The following FRMD7 variants were observed in gnomAD, a reference collection of about 807,000 sequenced individuals.
FRMD7 encodes FERM domain containing 7.
Under a neutral mutation model 44.1 loss-of-function variants are expected in FRMD7, and 14 were observed. The ratio of observed to expected loss-of-function variants is 0.32; its 90% CI spans 0.21 to 0.50. The LOEUF (loss-of-function observed/expected upper bound fraction) is 0.50. Ranked by LOEUF, FRMD7 falls within the 20% of genes least tolerant of loss-of-function variation. FRMD7 has a pLI of 0.99. For missense variants in FRMD7, 501 were observed against 522.3 expected, an observed-to-expected ratio of 0.96 and a Z score of 0.40; for synonymous variants, 212 against 187.4, an observed-to-expected ratio of 1.13 and a Z score of -1.07.
At chrX:132,122,430 T>A (rs1399413443) in intron 1 of FRMD7, among the ~76,000 whole-genome samples, 2 of 112,102 alleles carry the variant, frequency 1.8e-5, no homozygotes, top group Non-Finnish European at 3.8e-5. Context: ...CATTATCCCT[T>A]CTAAACTTGC....
At position 132,100,594 on chromosome X, in the gene FRMD7, A is replaced by G. The variant is rs1284379781; in HGVS notation, c.162+18T>C. The G allele has an allele frequency of 1.1e-5, 12 of 1,087,486 alleles. No individual in the cohort carries two copies. Among genetic ancestry groups the G allele is most frequent in the Admixed American group, 2.2e-5 (1 of 45,982 alleles). The allele number at this position is 1,087,486 out of a possible 1,213,427, so 89.6% of individuals were successfully genotyped here. ...AGCAATGCTAGACACAAAGAACCCT[A>G]TAATGAAACCAACTTACATTATTTC... On this transcript the variant is annotated intron_variant, in intron 2 of 11. Coordinates refer to ENST00000298542, the MANE Select transcript of FRMD7 (RefSeq NM_194277.3).
intron 3 of FRMD7, among the ~76,000 whole-genome samples, chrX:132,099,119 T>G (rs1481621232): frequency 3.6e-5 from 4 of 111,704 alleles, no homozygotes; most frequent in African/African-American, 1.3e-4. Context: ...AGGATATAAC[T>G]AAAGAATCTT....
chrX:132,098,875 T>C (rs1266721897), intron 3 of FRMD7, among the ~76,000 whole-genome samples: 2 of 111,296 alleles, frequency 1.8e-5, no homozygotes, highest in Non-Finnish European at 3.8e-5. Context: ...CAGTGCAAAG[T>C]CCTGATACAA....
chrX:132,121,303 AG>A (rs2124028243), intron 1 of FRMD7, among the ~76,000 whole-genome samples: 1 of 111,909 alleles, frequency 8.9e-6, no homozygotes, highest in East Asian at 2.8e-4. Context: ...TAACTTAAAT[AG>A]CCATATGACT....
chrX:132,096,718 A>AG, intron 4 of FRMD7, among the ~76,000 whole-genome samples: 1 of 53,672 alleles, frequency 1.9e-5, no homozygotes, highest in Admixed American at 1.5e-4. Flanking sequence ...CCCTGTCTCA[A>AG]AAAAAAAAAA....
In FRMD7 at chrX:132,087,853, T is replaced by C. The variant is rs146237141; in HGVS notation, c.383-1819A>G. ...AGCATATGAAAAGGATTATACACAATGAGTTGAATTTATCTCAGGATTGCA... is the reference window on the plus strand; with the variant it reads ...AGCATATGAAAAGGATTATACACAACGAGTTGAATTTATCTCAGGATTGCA... On this transcript the variant is annotated intron_variant, in intron 5 of 11. Coordinates refer to ENST00000298542, the MANE Select transcript of FRMD7 (RefSeq NM_194277.3). Among the ~76,000 whole-genome samples the C allele has an allele frequency of 8.4e-3, 935 of 111,080 alleles. 8 individuals carry two copies. The highest frequency in any genetic ancestry group is 0.014 in the Non-Finnish European group (717 of 52,974).
intron 1 of FRMD7, among the ~76,000 whole-genome samples, chrX:132,118,805 C>G (rs1928966640): frequency 9.0e-6 from 1 of 111,183 alleles, no homozygotes; most frequent in Non-Finnish European, 1.9e-5. Flanking sequence ...ACCTACTCCA[C>G]AGGCCTTTTC....
chrX:132,086,885 A>T (rs958480481), intron 5 of FRMD7, among the ~76,000 whole-genome samples: 3 of 112,182 alleles, frequency 2.7e-5, no homozygotes, highest in Non-Finnish European at 3.8e-5. Context: ...CACTCTGTAC[A>T]TTGGGAGTCT....
intron 1 of FRMD7, among the ~76,000 whole-genome samples, chrX:132,118,995 C>A (rs1206647122): frequency 9.0e-6 from 1 of 111,728 alleles, no homozygotes; most frequent in Non-Finnish European, 1.9e-5. Flanking sequence ...AGGTTAGATG[C>A]CCCTCTTTTG....
intron 1 of FRMD7, among the ~76,000 whole-genome samples, chrX:132,110,634 C>T (rs66835196): frequency 0.083 from 9,245 of 111,619 alleles, 360 homozygotes; most frequent in Non-Finnish European, 0.11. Context: ...CAACAAGGGG[C>T]TACCCAAGCA....
At chrX:132,083,522 G>A (rs1240080582) in intron 8 of FRMD7, among the ~76,000 whole-genome samples, 2 of 111,310 alleles carry the variant, frequency 1.8e-5, no homozygotes, top group Non-Finnish European at 3.8e-5. Context: ...CTCTCCATGA[G>A]CTTCACACTA....
At chrX:132,093,728 G>T (rs1347280897) in intron 5 of FRMD7, among the ~76,000 whole-genome samples, 1 of 112,560 alleles carries the variant, frequency 8.9e-6, no homozygotes, top group Non-Finnish European at 1.9e-5. Flanking sequence ...GACCTGTCTG[G>T]CAAAGCCCAT....
intron 9 of FRMD7, among the ~76,000 whole-genome samples, chrX:132,080,473 G>C (rs1031981741): frequency 8.9e-6 from 1 of 112,008 alleles, no homozygotes; most frequent in East Asian, 2.8e-4. Flanking sequence ...AATTTTTAAA[G>C]GCCTCTGAAC....
At chrX:132,116,776 C>G (rs868492183) in intron 1 of FRMD7, among the ~76,000 whole-genome samples, 18 of 111,637 alleles carry the variant, frequency 1.6e-4, no homozygotes, top group Admixed American at 7.6e-4. Flanking sequence ...ACACGTTTAC[C>G]TATGTCACAA....
At chrX:132,088,263 C>A (rs2124229137) in intron 5 of FRMD7, among the ~76,000 whole-genome samples, 1 of 112,377 alleles carries the variant, frequency 8.9e-6, no homozygotes, top group South Asian at 3.6e-4. Context: ...TGTAGAAAAT[C>A]CCAAGGTTGA....
At position 132,094,403 on chromosome X, in the gene FRMD7, T is replaced by C. The variant is rs1387359219; in HGVS notation, c.285-264A>G. On this transcript the variant is annotated intron_variant, in intron 4 of 11. Coordinates refer to ENST00000298542, the MANE Select transcript of FRMD7 (RefSeq NM_194277.3). ...AAATCCTCCTGCCAAATTGAGAAAG[T>C]TGGCCAATCATCCTCTGGTGGTTTC... is the stretch of plus-strand genomic sequence containing the variant. 78 of 355,311 alleles carry C rather than the reference T, an allele frequency of 2.2e-4. No individual in the cohort carries two copies. In the East Asian group the frequency reaches 3.9e-3, roughly 18 times the overall value. 29.3% of individuals were successfully genotyped at this position (355,311 alleles called of 1,213,427 possible).
At chrX:132,107,604 G>GGAGAGA (rs749047439) in intron 1 of FRMD7, among the ~76,000 whole-genome samples, 3 of 91,191 alleles carry the variant, frequency 3.3e-5, no homozygotes, top group Non-Finnish European at 6.5e-5. Flanking sequence ...TCTACATGGT[G>GGAGAGA]GAGAGAGAGA....
At chrX:132,118,191 T>C (rs1341313200) in intron 1 of FRMD7, among the ~76,000 whole-genome samples, 1 of 111,172 alleles carries the variant, frequency 9.0e-6, no homozygotes, top group Non-Finnish European at 1.9e-5. Flanking sequence ...CATCTACTTT[T>C]AATTCCTGAC....
intron 1 of FRMD7, among the ~76,000 whole-genome samples, chrX:132,126,179 T>C (rs1161639694): frequency 1.8e-5 from 2 of 111,418 alleles, no homozygotes; most frequent in African/African-American, 6.5e-5. Context: ...TAACTTAAGC[T>C]TCTAACTCCT....
Sources: gnomAD v4.1 joint callset for allele counts (sites outside exome capture counted in the v4.1 genomes callset) on GRCh38, gnomAD v4.1.1 for gene constraint, MANE v1.5 for transcripts, NCBI Gene and HGNC (gene_info 2026-07-23, HGNC 2026-07-21) for gene names.